The following HEATR4 variants were observed in gnomAD, a reference collection of about 807,000 sequenced individuals.
The protein encoded by HEATR4 is HEAT repeat-containing protein 4.
In HEATR4, 95 loss-of-function variants were observed where a neutral mutation model predicts 108.8. That is an observed-to-expected ratio of 0.87 (90% CI 0.74 to 1.04). HEATR4 has a LOEUF of 1.04. HEATR4 is among the 50% of genes least tolerant of loss of function. The probability of loss-of-function intolerance (pLI) is 0.00; values close to 1 mark genes in which losing one functional copy is unlikely to be tolerated. For missense variants in HEATR4, 1,152 were observed against 1,253.8 expected, an observed-to-expected ratio of 0.92 and a Z score of 1.23; for synonymous variants, 443 against 459.4, an observed-to-expected ratio of 0.96 and a Z score of 0.46.
At chr14:73,584,782 T>C in the HEATR4 span, among the ~76,000 whole-genome samples, 2 of 148,794 alleles carry the variant, frequency 1.3e-5, no homozygotes, top group Non-Finnish European at 3.0e-5. Flanking sequence ...CCCCATTTTT[T>C]GAGACCCTAC....
chr14:73,586,419 T>TA, the HEATR4 span, among the ~76,000 whole-genome samples: 3 of 149,942 alleles, frequency 2.0e-5, no homozygotes, highest in East Asian at 3.9e-4. Flanking sequence ...AATTTTTTTT[T>TA]AGAGGCCAGG....
At chr14:73,530,827 T>G (rs1369448673) in intron 1 of HEATR4, among the ~76,000 whole-genome samples, 1 of 75,094 alleles carries the variant, frequency 1.3e-5, no homozygotes, top group East Asian at 1.4e-3. Context: ...TTTGTAGAGA[T>G]AGAGTCTCAC....
chr14:73,627,875 T>C, the HEATR4 span, among the ~76,000 whole-genome samples: 1 of 151,884 alleles, frequency 6.6e-6, no homozygotes, highest in Non-Finnish European at 1.5e-5. Flanking sequence ...TGGAGGGCAG[T>C]GTTGTTCACT....
At chr14:73,570,702 C>T in the HEATR4 span, among the ~76,000 whole-genome samples, 3 of 151,866 alleles carry the variant, frequency 2.0e-5, no homozygotes, top group Non-Finnish European at 4.4e-5. Context: ...GTCAGGAGTT[C>T]GAGACCAGCC....
chr14:73,502,176 G>A (rs1305611241), intron 11 of HEATR4, among the ~76,000 whole-genome samples: 1 of 151,634 alleles, frequency 6.6e-6, no homozygotes, highest in African/African-American at 2.4e-5. Context: ...TTACAGGCGT[G>A]TGCCACTGGG....
the HEATR4 span, chr14:73,567,825 C>T: frequency 1.3e-5 from 2 of 152,080 alleles, no homozygotes; most frequent in Non-Finnish European, 2.9e-5. Flanking sequence ...CCTTTATGAG[C>T]TGTAACACTC....
chr14:73,510,692 T>G (rs1439097501), intron 7 of HEATR4, among the ~76,000 whole-genome samples: 5 of 152,220 alleles, frequency 3.3e-5, no homozygotes, highest in Admixed American at 6.5e-5. Flanking sequence ...TGCCTTGGCC[T>G]TCCAAAGTGC....
At chr14:73,563,030 T>C (rs1889551679), upstream of HEATR4, among the ~76,000 whole-genome samples, 1 of 151,980 alleles carries the variant, frequency 6.6e-6, no homozygotes, top group Non-Finnish European at 1.5e-5. Context: ...TTTTGAAGCA[T>C]ACGATCTTTG....
chr14:73,496,559 G>T, intron 15 of HEATR4, 42 bp downstream of exon 15: 3 of 1,240,402 alleles, frequency 2.4e-6, no homozygotes, highest in Non-Finnish European at 3.6e-6. Context: ...ACTCTTGAGA[G>T]TCCTGAATTT....
intron 15 of HEATR4, among the ~76,000 whole-genome samples, chr14:73,495,798 T>G (rs533478505): frequency 3.9e-4 from 60 of 152,126 alleles, no homozygotes; most frequent in Non-Finnish European, 3.1e-4. Context: ...TCCTTTCCCC[T>G]CTATTCCTTC....
chr14:73,502,874 C>T, intron 11 of HEATR4, 21 bp downstream of exon 11: 8 of 1,564,762 alleles, frequency 5.1e-6, no homozygotes, highest in African/African-American at 1.4e-5. Context: ...AGAGTGTCTC[C>T]TCATGTTGAC....
chr14:73,487,194 AAG>A (rs1491009777), intron 17 of HEATR4, among the ~76,000 whole-genome samples: 2 of 148,896 alleles, frequency 1.3e-5, no homozygotes, highest in African/African-American at 2.4e-5. Context: ...CAAAAAAAAA[AAG>A]AAGAGAAAGG....
At chr14:73,512,281 G>C in intron 6 of HEATR4, 132 bp from the exon 7 acceptor site, 1 of 987,666 alleles carries the variant, frequency 1.0e-6, no homozygotes, top group East Asian at 2.6e-5. Context: ...AAGAATAAAG[G>C]GCCCAGAGAT....
Position 73,502,753 on chromosome 14 carries a change from T to C in HEATR4, c.2105+142A>G, listed in dbSNP as rs1886551344. 9 of 682,216 alleles carry C rather than the reference T, an allele frequency of 1.3e-5. No individual in the cohort carries two copies. The South Asian group carries it at 1.5e-4, about 11-fold the overall frequency. The allele number at this position is 682,216 out of a possible 1,614,324, so 42.3% of individuals were successfully genotyped here. A position where few individuals can be genotyped will look rare whatever the true frequency, so the allele number is the denominator to read the frequency against. On this transcript the variant is annotated intron_variant, in intron 11 of 17. Coordinates refer to ENST00000553558, the MANE Select transcript of HEATR4 (RefSeq NM_001220484.1). ...TAGTAAAGACAGGGTTTTACTGTGT[T>C]AGCCAGGATGGTCTCGATCTCCTGA...
chr14:73,526,585 T>C (rs1054440876), intron 2 of HEATR4, among the ~76,000 whole-genome samples: 1 of 151,938 alleles, frequency 6.6e-6, no homozygotes, highest in African/African-American at 2.4e-5. Context: ...CCAGAAGACT[T>C]TGAGTAGCAG....
chr14:73,617,125 A>G, the HEATR4 span: 2 of 1,612,060 alleles, frequency 1.2e-6, no homozygotes, highest in South Asian at 1.1e-5. Flanking sequence ...GACCTCCCCG[A>G]AGATCTGAAT....
the HEATR4 span, among the ~76,000 whole-genome samples, chr14:73,578,276 T>G: frequency 6.9e-6 from 1 of 144,530 alleles, no homozygotes; most frequent in South Asian, 2.2e-4. Context: ...CAGGCTAGAG[T>G]GCAGTGGCAG....
At chr14:73,529,354 C>CAA (rs10605851) in intron 2 of HEATR4, among the ~76,000 whole-genome samples, 18,812 of 86,410 alleles carry the variant, frequency 0.22, 2,197 homozygotes, top group South Asian at 0.34. Flanking sequence ...GACTCTGTCT[C>CAA]AAAAAAAAAA....
chr14:73,597,591 C>CTTTTTTTTTTTTTTTTTTTTTT, the HEATR4 span, among the ~76,000 whole-genome samples: 103 of 98,186 alleles, frequency 1.0e-3, no homozygotes, highest in African/African-American at 1.7e-3. Context: ...TTTTTCTTTT[C>CTTTTTTTTTTTTTTTTTTTTTT]TTTTTTTTTT....
Sources: allele counts gnomAD v4.1 joint callset (sites outside exome capture counted in the v4.1 genomes callset), GRCh38; gene constraint gnomAD v4.1.1; transcripts MANE v1.5; gene names NCBI Gene and HGNC (gene_info 2026-07-23, HGNC 2026-07-21).